The following PIP5K1B variants were observed in gnomAD, a reference collection of about 807,000 sequenced individuals.
PIP5K1B encodes the protein phosphatidylinositol-4-phosphate 5-kinase type 1 beta.
In PIP5K1B, 42 loss-of-function variants were observed where a neutral mutation model predicts 67.0. The observed-to-expected ratio is 0.63, with a 90% CI of 0.49 to 0.81. PIP5K1B has a LOEUF of 0.81. Among genes scored for constraint, PIP5K1B ranks in the 30% least tolerant of loss-of-function variants. The pLI, the probability that PIP5K1B is intolerant of heterozygous loss-of-function variation, is 0.00. For missense variants in PIP5K1B, 459 were observed against 646.3 expected, an observed-to-expected ratio of 0.71 and a Z score of 3.14; for synonymous variants, 214 against 231.4, an observed-to-expected ratio of 0.92 and a Z score of 0.68.
intron 13 of PIP5K1B, 135 bp downstream of exon 13, chr9:68,935,180 G>A (rs4145886): frequency 0.99 from 735,149 of 745,584 alleles, 363,179 homozygotes; most frequent in East Asian, 1. Context: ...AAGGATAGCT[G>A]CAGTGGCCGG....
chr9:68,884,752 T>C (rs2132356553), intron 6 of PIP5K1B, among the ~76,000 whole-genome samples: 1 of 150,978 alleles, frequency 6.6e-6, no homozygotes, highest in South Asian at 2.1e-4. Flanking sequence ...AAAACCACAA[T>C]GAAATATCAC....
chr9:68,975,677 A>T (rs1829602966), intron 14 of PIP5K1B, among the ~76,000 whole-genome samples: 1 of 152,204 alleles, frequency 6.6e-6, no homozygotes, highest in African/African-American at 2.4e-5. Flanking sequence ...TCTGGAGGCC[A>T]GGAGTTTGAA....
At chr9:68,719,305 C>T (rs919970357) in intron 1 of PIP5K1B, among the ~76,000 whole-genome samples, 2 of 152,132 alleles carry the variant, frequency 1.3e-5, no homozygotes, top group Non-Finnish European at 2.9e-5. Flanking sequence ...GCTTTATTTG[C>T]AATGCTTTAT....
At chr9:68,752,265 T>C (rs867082706) in intron 2 of PIP5K1B, among the ~76,000 whole-genome samples, 5 of 152,188 alleles carry the variant, frequency 3.3e-5, no homozygotes, top group Admixed American at 2.6e-4. Flanking sequence ...CTCATAACTT[T>C]ATAATGTCAT....
At position 68,831,850 on chromosome 9, in the gene PIP5K1B, T is replaced by A. The variant is rs190566616; in HGVS notation, c.69+9167T>A. 4.3e-3 allele frequency among the ~76,000 whole-genome samples: 652 copies of A among 152,228 alleles called. 6 individuals are homozygous for A. The highest frequency in any genetic ancestry group is 0.015 in the African/African-American group (630 of 41,536). On this transcript the variant is annotated intron_variant, in intron 4 of 15. Transcript: ENST00000265382. ...ACCACCACGCCCAGCTAATTTTTTT[T>A]ATTTTTAGTAGAGACAGAGTTTCGC...
chr9:68,986,024 T>C (rs1196944521), intron 14 of PIP5K1B, among the ~76,000 whole-genome samples: 1 of 152,260 alleles, frequency 6.6e-6, no homozygotes, highest in Non-Finnish European at 1.5e-5. Context: ...TTGAGTTGTT[T>C]CCACTTTCTG....
intron 5 of PIP5K1B, among the ~76,000 whole-genome samples, chr9:68,867,840 C>T (rs1436029473): frequency 2.0e-5 from 3 of 152,160 alleles, no homozygotes; most frequent in East Asian, 1.9e-4. Context: ...GATGGCTCAA[C>T]GAGTCTATCT....
intron 12 of PIP5K1B, among the ~76,000 whole-genome samples, chr9:68,927,821 G>A (rs753144932): frequency 6.6e-6 from 1 of 151,970 alleles, no homozygotes; most frequent in Non-Finnish European, 1.5e-5. Context: ...AGAAAGCATT[G>A]CCTAACCCAA....
At chr9:68,737,757 C>A (rs914343878) in intron 1 of PIP5K1B, among the ~76,000 whole-genome samples, 1 of 152,168 alleles carries the variant, frequency 6.6e-6, no homozygotes, top group Admixed American at 6.5e-5. Context: ...TGCACCCTTG[C>A]AAAATTTCTG....
chr9:68,878,003 C>T lies in PIP5K1B; in HGVS notation c.318+1209C>T, dbSNP rs573379445. Among the ~76,000 whole-genome samples the T allele has an allele frequency of 2.9e-5, 4 of 136,644 alleles. No homozygotes were observed. The South Asian group carries it at 7.2e-4, about 25-fold the overall frequency. The allele number at this position is 136,644 out of a possible 152,430, so 89.6% of individuals were successfully genotyped here. A position where few individuals can be genotyped will look rare whatever the true frequency, so the allele number is the denominator to read the frequency against. ...CTACCAATGCAAGTACACAAGCACA[C>T]GCATTTGTTCTGTGTGTGTGTGTGT... On this transcript the variant is annotated intron_variant, in intron 6 of 15. Transcript: ENST00000265382.
chr9:68,884,433 G>A (rs1347259789), intron 6 of PIP5K1B, among the ~76,000 whole-genome samples: 2 of 151,360 alleles, frequency 1.3e-5, no homozygotes, highest in African/African-American at 2.4e-5. Context: ...GAAGGCTGTA[G>A]CAGGTGGATT....
At chr9:68,822,154 G>A (rs1474237557) in intron 3 of PIP5K1B, among the ~76,000 whole-genome samples, 1 of 152,076 alleles carries the variant, frequency 6.6e-6, no homozygotes, top group Non-Finnish European at 1.5e-5. Context: ...CAGAAGAAAA[G>A]TTTTTTAAAA....
intron 2 of PIP5K1B, among the ~76,000 whole-genome samples, chr9:68,808,580 T>C (rs1223950676): frequency 1.3e-5 from 2 of 152,254 alleles, no homozygotes; most frequent in Non-Finnish European, 2.9e-5. Flanking sequence ...CTGGCGACTT[T>C]CTTCTGTCTA....
intron 4 of PIP5K1B, among the ~76,000 whole-genome samples, chr9:68,849,103 G>C (rs1822347954): frequency 6.6e-6 from 1 of 152,160 alleles, no homozygotes. Flanking sequence ...TAACTCATCA[G>C]TTCTTCTAGG....
At chr9:68,888,915 T>C (rs1824624865) in intron 6 of PIP5K1B, 66 bp from the exon 7 acceptor site, 1 of 1,113,498 alleles carries the variant, frequency 9.0e-7, no homozygotes, top group East Asian at 2.4e-5. Flanking sequence ...ATGCTATGAT[T>C]GTCCTCCTTG....
chr9:68,836,668 A>AT (rs1350008071), intron 4 of PIP5K1B, among the ~76,000 whole-genome samples: 7 of 151,430 alleles, frequency 4.6e-5, no homozygotes, highest in South Asian at 4.2e-4. Context: ...TTAAGTGTGC[A>AT]TTTTTTTTGT....
chr9:68,960,698 A>C (rs7038183), intron 14 of PIP5K1B, among the ~76,000 whole-genome samples: 2,705 of 152,166 alleles, frequency 0.018, 54 homozygotes, highest in African/African-American at 0.049. Context: ...TCTTGTCCTG[A>C]TAATTTCTTC....
chr9:68,999,998 T>C (rs540462335), intron 15 of PIP5K1B, among the ~76,000 whole-genome samples: 1 of 152,186 alleles, frequency 6.6e-6, no homozygotes, highest in Non-Finnish European at 1.5e-5. Flanking sequence ...GGCAGCTTAC[T>C]CTGACAGGCC....
At chr9:68,854,940 C>G (rs1296922051) in intron 4 of PIP5K1B, among the ~76,000 whole-genome samples, 4 of 152,092 alleles carry the variant, frequency 2.6e-5, no homozygotes, top group African/African-American at 9.7e-5. Flanking sequence ...AACATAGTAT[C>G]TTATTTTTCT....
Sources: allele counts gnomAD v4.1 joint callset (sites outside exome capture counted in the v4.1 genomes callset), GRCh38; gene constraint gnomAD v4.1.1; transcripts MANE v1.5; gene names NCBI Gene and HGNC (gene_info 2026-07-23, HGNC 2026-07-21).